Variants in ZFHX3 observed in about 807,000 individuals in gnomAD.
ZFHX3 encodes zinc finger homeobox protein 3.
In ZFHX3, 42 loss-of-function variants were observed where a neutral mutation model predicts 279.1. That is an observed-to-expected ratio of 0.15 (90% confidence interval 0.12 to 0.19). The LOEUF (loss-of-function observed/expected upper bound fraction) is 0.19, where lower values mean the gene tolerates loss of function less well. Among genes scored for constraint, ZFHX3 ranks in the 10% least tolerant of loss-of-function variants. The pLI, the probability that ZFHX3 is intolerant of heterozygous loss-of-function variation, is 1.00. For synonymous variants in ZFHX3, 2,293 were observed against 1,957.8 expected (o/e 1.17, Z -4.52); for missense variants, 4,981 against 4,754.0 (o/e 1.05, Z -1.40).
intron 5 of ZFHX3, among the ~76,000 whole-genome samples, chr16:73,147,509 G>C (rs1023519689): frequency 4.7e-5 from 7 of 149,988 alleles, no homozygotes; most frequent in African/African-American, 1.7e-4. Context: ...TGGCTAACAC[G>C]GTGAAACCCC....
chr16:73,255,938 T>G (rs993668214), intron 5 of ZFHX3, among the ~76,000 whole-genome samples: 1 of 152,296 alleles, frequency 6.6e-6, no homozygotes, highest in African/African-American at 2.4e-5. Flanking sequence ...CCGTCTTGGT[T>G]GCACATACAA....
At chr16:72,974,596 C>T (rs1308024340) in intron 1 of ZFHX3, among the ~76,000 whole-genome samples, 1 of 145,482 alleles carries the variant, frequency 6.9e-6, no homozygotes. Context: ...CACACACACA[C>T]ACACACAGCC....
At position 73,004,159 on chromosome 16, in the gene ZFHX3, CTTTTTTTTTTTTTTTTTT is replaced by C. The variant is rs3081625; in HGVS notation, c.-50+43575_-50+43592del. On this transcript the variant is annotated intron_variant, in intron 1 of 9. Coordinates refer to ENST00000268489, the MANE Select transcript of ZFHX3 (RefSeq NM_006885.4). ...CAATAATAACTACATAAAAACACGA[CTTTTTTTTTTTTTTTTTT>C]TTTTTTTAAGTAGAGACAGGTATCA... Among the ~76,000 whole-genome samples, 106 of 49,374 alleles carry C rather than the reference CTTTTTTTTTTTTTTTTTT, an allele frequency of 2.1e-3. 1 individual carries two copies. Among genetic ancestry groups the C allele is most frequent in the Admixed American group, 3.9e-3 (12 of 3,046 alleles). The allele number at this position is 49,374 out of a possible 152,430, so 32.4% of individuals were successfully genotyped here. A position where few individuals can be genotyped will look rare whatever the true frequency, so the allele number is the denominator to read the frequency against.
At chr16:72,992,083 G>A (rs1963115418) in intron 1 of ZFHX3, among the ~76,000 whole-genome samples, 1 of 152,230 alleles carries the variant, frequency 6.6e-6, no homozygotes, top group African/African-American at 2.4e-5. Context: ...CTCAGAGGCT[G>A]TCGCCGAACT....
In ZFHX3 at chr16:72,811,655, G is replaced by A. The variant is rs1196930801; in HGVS notation, c.3786C>T (p.Asn1262=). The change falls in exon 7 of 10, where the codon AAC becomes AAT. Residue 1262 remains asparagine, a synonymous_variant. Coordinates refer to ENST00000268489, the MANE Select transcript of ZFHX3 (RefSeq NM_006885.4). ...GGTGCAGCTGGAGGTGGATCTTGTT[G>A]TTGAGCATGTCCTGGCACAGGGGGC... ...LRCPLCQDML[N]NKIHLQLHLT... is the part of the protein sequence containing the mutation. 1 of 1,613,930 alleles carries A rather than the reference G, an allele frequency of 6.2e-7. No individual in the cohort carries two copies. Among genetic ancestry groups the A allele is most frequent in the African/African-American group, 1.3e-5 (1 of 75,060 alleles).
intron 3 of ZFHX3, among the ~76,000 whole-genome samples, chr16:73,374,782 T>C (rs897693843): frequency 6.6e-6 from 1 of 152,254 alleles, no homozygotes; most frequent in Admixed American, 6.5e-5. Context: ...CTATAGAGTT[T>C]CACACAGTCT....
chr16:73,737,977 G>A (rs1030769183), intron 1 of ZFHX3, among the ~76,000 whole-genome samples: 7 of 152,152 alleles, frequency 4.6e-5, no homozygotes, highest in Non-Finnish European at 1.0e-4. Flanking sequence ...GGTGGGGGAG[G>A]AGGTCAAAAC....
intron 7 of ZFHX3, among the ~76,000 whole-genome samples, chr16:72,810,874 A>T (rs373568591): frequency 1.9e-4 from 29 of 151,586 alleles, no homozygotes; most frequent in Non-Finnish European, 2.9e-4. Context: ...TGTCAAAAAA[A>T]TTTTTTTTTC....
chr16:73,301,514 G>A (rs924594781), intron 4 of ZFHX3, among the ~76,000 whole-genome samples: 3 of 152,114 alleles, frequency 2.0e-5, no homozygotes, highest in Admixed American at 6.5e-5. Flanking sequence ...TCCATCAGTC[G>A]TGCCAATCAA....
Position 73,746,215 on chromosome 16 carries a change from C to T in ZFHX3, c.-1607-65975G>A, listed in dbSNP as rs904380613. On this transcript the variant is annotated intron_variant, in intron 1 of 17. Coordinates refer to the ZFHX3 transcript ENST00000641206. Reference sequence around the variant, plus strand: ...TCCACAGTCTAATAAACTTCAGTGGCCTGGAGTCACTCAGCTGAGCACTAT... The same window carrying T: ...TCCACAGTCTAATAAACTTCAGTGGTCTGGAGTCACTCAGCTGAGCACTAT... Among the ~76,000 whole-genome samples the T allele has an allele frequency of 2.6e-5, 4 of 152,124 alleles. No homozygotes were observed. In the South Asian group the frequency reaches 6.2e-4, roughly 24 times the overall value.
intron 4 of ZFHX3, among the ~76,000 whole-genome samples, chr16:72,874,730 A>G (rs1346265398): frequency 6.7e-6 from 1 of 148,628 alleles, no homozygotes; most frequent in East Asian, 2.0e-4. Flanking sequence ...CTGGGCTCCC[A>G]GTATCCTCCT....
At chr16:73,110,941 G>A (rs1194181054) in intron 7 of ZFHX3, among the ~76,000 whole-genome samples, 1 of 151,934 alleles carries the variant, frequency 6.6e-6, no homozygotes, top group Non-Finnish European at 1.5e-5. Flanking sequence ...ATGATTTTAT[G>A]ATTTTATGTT....
chr16:73,197,908 A>AGTATCTGAT (rs1968184142), intron 5 of ZFHX3, among the ~76,000 whole-genome samples: 1 of 126,390 alleles, frequency 7.9e-6, no homozygotes, highest in Non-Finnish European at 1.6e-5. Flanking sequence ...AGATAAGTAG[A>AGTATCTGAT]GTATCTGATT....
At chr16:72,832,391 T>A (rs1357583684) in intron 4 of ZFHX3, among the ~76,000 whole-genome samples, 1 of 152,118 alleles carries the variant, frequency 6.6e-6, no homozygotes, top group Non-Finnish European at 1.5e-5. Flanking sequence ...TTTGCTTTCT[T>A]CCCTCCCTGC....
intron 5 of ZFHX3, among the ~76,000 whole-genome samples, chr16:72,814,133 T>C (rs2266936): frequency 0.033 from 5,040 of 152,238 alleles, 606 homozygotes; most frequent in East Asian, 0.28. Flanking sequence ...TTCTCTATTG[T>C]GAACTCCAAT....
At chr16:73,009,342 G>C (rs1333032838) in intron 1 of ZFHX3, among the ~76,000 whole-genome samples, 2 of 151,922 alleles carry the variant, frequency 1.3e-5, no homozygotes, top group Non-Finnish European at 2.9e-5. Flanking sequence ...TATAATGAAG[G>C]ATGCCGGTAA....
intron 1 of ZFHX3, among the ~76,000 whole-genome samples, chr16:72,980,698 G>A (rs1040141486): frequency 1.3e-5 from 2 of 152,016 alleles, no homozygotes; most frequent in Admixed American, 1.3e-4. Flanking sequence ...AGGCTGCAAT[G>A]AGCTGTGATC....
At chr16:73,532,895 C>G (rs865917534) in intron 2 of ZFHX3, among the ~76,000 whole-genome samples, 16 of 152,320 alleles carry the variant, frequency 1.1e-4, no homozygotes, top group Middle Eastern at 3.4e-3. Flanking sequence ...TTGCTCAGCA[C>G]TCATTCTCTC....
At chr16:73,427,969 C>G (rs1022398245) in intron 3 of ZFHX3, among the ~76,000 whole-genome samples, 3 of 151,944 alleles carry the variant, frequency 2.0e-5, no homozygotes, top group South Asian at 2.1e-4. Flanking sequence ...GAAACAGGTA[C>G]TGCCCCAGGC....
Sources: gnomAD v4.1 joint callset for allele counts (sites outside exome capture counted in the v4.1 genomes callset) on GRCh38, gnomAD v4.1.1 for gene constraint, MANE v1.5 for transcripts, NCBI Gene and HGNC (gene_info 2026-07-23, HGNC 2026-07-21) for gene names.